Variants in SLC26A8 observed in about 807,000 individuals in gnomAD.
The protein encoded by SLC26A8 is solute carrier family 26 member 8, also known as testis anion transporter 1.
Under a neutral mutation model 105.0 loss-of-function variants are expected in SLC26A8, and 70 were observed. The ratio of observed to expected loss-of-function variants is 0.67; its 90% CI spans 0.55 to 0.81. The LOEUF (loss-of-function observed/expected upper bound fraction) is 0.81, where lower values mean the gene tolerates loss of function less well. SLC26A8 is among the 40% of genes least tolerant of loss of function. The pLI, the probability that SLC26A8 is intolerant of heterozygous loss-of-function variation, is 0.00. For missense variants in SLC26A8, 998 were observed against 1,181.8 expected, an observed-to-expected ratio of 0.84 and a Z score of 2.28; for synonymous variants, 415 against 438.3, an observed-to-expected ratio of 0.95 and a Z score of 0.66.
chr6:35,944,991 A>G (rs2127283086), intron 19 of SLC26A8, among the ~76,000 whole-genome samples: 2 of 152,196 alleles, frequency 1.3e-5, no homozygotes, highest in Middle Eastern at 3.4e-3. Flanking sequence ...TTGGGACTAC[A>G]GATATGCACC....
Position 35,955,188 on chromosome 6 carries a change from G to T in SLC26A8, c.2196C>A (p.His732Gln), listed in dbSNP as rs1179764192. ...HTIILDFSMV[H>Q]YVDSRGLVVL... ...CGACTAACCCCCGTGAATCCACGTA[G>T]TGTACCATGGAGAAATCCAGGATGA... The change falls in exon 17 of 20, where the codon CAC (histidine) becomes CAA (glutamine). Residue 732 changes from histidine to glutamine, a missense_variant. Coordinates refer to ENST00000490799, the MANE Select transcript of SLC26A8 (RefSeq NM_052961.4). 3.7e-6 allele frequency: 6 copies of T among 1,614,046 alleles called. No homozygotes were observed. The African/African-American group carries it at 5.3e-5, about 14-fold the overall frequency.
At chr6:36,001,548 A>G (rs984234036) in intron 3 of SLC26A8, among the ~76,000 whole-genome samples, 7 of 152,218 alleles carry the variant, frequency 4.6e-5, no homozygotes, top group African/African-American at 1.7e-4. Flanking sequence ...TTCTGAGATT[A>G]GGTTGCAAAA....
intron 4 of SLC26A8, 91 bp from the exon 5 acceptor site, chr6:35,998,010 T>C (rs1467197880): frequency 2.2e-5 from 26 of 1,200,362 alleles, no homozygotes; most frequent in Non-Finnish European, 2.8e-5. Flanking sequence ...TTCTGGATTG[T>C]CCTTCAACTG....
rs146916283 is a variant in SLC26A8, at chr6:35,959,316, C to A, written c.1863+144G>T. 6.9e-4 allele frequency: 618 copies of A among 895,764 alleles called. 2 individuals are homozygous for A. The African/African-American group carries it at 8.5e-3, about 12-fold the overall frequency. 55.5% of individuals were successfully genotyped at this position (895,764 alleles called of 1,614,324 possible). ...AGTCAAGCCTCCAAGGTGAGAGGAA[C>A]CTTGTATCTTAATTTCTGAATTCTT... On this transcript the variant is annotated intron_variant, in intron 16 of 19. Transcript: ENST00000490799.
intron 11 of SLC26A8, among the ~76,000 whole-genome samples, chr6:35,967,594 A>G (rs1266936554): frequency 6.6e-6 from 1 of 152,170 alleles, no homozygotes; most frequent in Non-Finnish European, 1.5e-5. Context: ...CAACTTTCAG[A>G]CCTGCCTTCT....
intron 3 of SLC26A8, among the ~76,000 whole-genome samples, chr6:36,009,808 C>T (rs1320288115): frequency 6.6e-6 from 1 of 152,166 alleles, no homozygotes; most frequent in Non-Finnish European, 1.5e-5. Flanking sequence ...GGTTGTGAGA[C>T]TGAACCATAG....
In SLC26A8 at chr6:35,991,804, A is replaced by G. The variant is rs570860784; in HGVS notation, c.797T>C (p.Ile266Thr). Residue 266 changes from isoleucine to threonine, a missense_variant, in exon 7 of 20, where the codon ATA (isoleucine) becomes ACA (threonine). Transcript: ENST00000490799. ...TGGGAGAGCTACACAGTAATTAATT[A>G]TGTCCTGAAAGAAAATAAAATTACG... ...HAGPISFFYD[I>T]INYCVALPKA... The G allele has an allele frequency of 4.4e-6, 7 of 1,584,534 alleles. No homozygotes were observed. The East Asian group carries it at 1.1e-4, about 26-fold the overall frequency.
chr6:36,006,098 G>A lies in SLC26A8; in HGVS notation c.329-5990C>T, dbSNP rs1423237916. ...CTTAATCAAGTATTAAGAGCTGGTT[G>A]GATTCATTCATTCATATAGCTATGA... On this transcript the variant is annotated intron_variant, in intron 3 of 19. Coordinates refer to ENST00000490799, the MANE Select transcript of SLC26A8 (RefSeq NM_052961.4). Among the ~76,000 whole-genome samples the A allele has an allele frequency of 2.0e-5, 3 of 152,092 alleles. No individual in the cohort carries two copies. The East Asian group carries it at 5.8e-4, about 29-fold the overall frequency.
intron 16 of SLC26A8, among the ~76,000 whole-genome samples, chr6:35,957,732 G>T (rs558043858): frequency 6.6e-6 from 1 of 151,428 alleles, no homozygotes; most frequent in African/African-American, 2.4e-5. Context: ...TCAGCCTCCC[G>T]AGTAGCTGGG....
At chr6:35,978,846 T>TC (rs1168223914) in intron 8 of SLC26A8, among the ~76,000 whole-genome samples, 2 of 145,310 alleles carry the variant, frequency 1.4e-5, no homozygotes, top group East Asian at 2.0e-4. Context: ...TTCTTCTTCT[T>TC]TTTTTTTTTT....
At chr6:35,976,947 C>T (rs1246280239) in intron 9 of SLC26A8, among the ~76,000 whole-genome samples, 1 of 152,114 alleles carries the variant, frequency 6.6e-6, no homozygotes, top group Non-Finnish European at 1.5e-5. Context: ...AAAAGTGAAA[C>T]TCTCCTAGCT....
chr6:35,961,712 C>G (rs917071756), intron 12 of SLC26A8, among the ~76,000 whole-genome samples: 1 of 152,156 alleles, frequency 6.6e-6, no homozygotes, highest in Non-Finnish European at 1.5e-5. Flanking sequence ...GGATCTGGCT[C>G]CAAAAGTTAT....
intron 1 of SLC26A8, 186 bp downstream of exon 1, chr6:36,024,318 T>G (rs944020930): frequency 5.3e-6 from 2 of 380,688 alleles, no homozygotes; most frequent in African/African-American, 4.4e-5. Context: ...CCTTTGAAAG[T>G]AGAGACAATA....
intron 1 of SLC26A8, 199 bp downstream of exon 1, chr6:36,024,305 C>G (rs1455244395): frequency 2.8e-6 from 1 of 360,740 alleles, no homozygotes; most frequent in African/African-American, 2.3e-5. Context: ...GCCATCCACA[C>G]GGCCTTTGAA....
intron 11 of SLC26A8, among the ~76,000 whole-genome samples, chr6:35,967,156 C>T (rs567823383): frequency 5.9e-5 from 9 of 152,276 alleles, no homozygotes; most frequent in African/African-American, 2.2e-4. Flanking sequence ...TGCATAGATT[C>T]CATGCCTTGG....
rs116255677 is a variant in SLC26A8 at position 35,955,191 on chromosome 6, T to C, written c.2193A>G (p.Val731=). The C allele has an allele frequency of 6.0e-5, 97 of 1,614,122 alleles. No homozygotes were observed. In the African/African-American group the frequency reaches 1.2e-3, roughly 19 times the overall value. The change falls in exon 17 of 20, where the codon GTA becomes GTG. Residue 731 remains valine (V), a synonymous_variant. Coordinates refer to ENST00000490799, the MANE Select transcript of SLC26A8 (RefSeq NM_052961.4). The stretch of plus-strand genomic sequence containing the variant: ...CTAACCCCCGTGAATCCACGTAGTG[T>C]ACCATGGAGAAATCCAGGATGATGG... The part of the protein sequence containing the change: ...VHTIILDFSM[V]HYVDSRGLVV...
At chr6:35,988,029 G>A (rs1171512965) in intron 7 of SLC26A8, among the ~76,000 whole-genome samples, 3 of 151,084 alleles carry the variant, frequency 2.0e-5, no homozygotes, top group Non-Finnish European at 2.9e-5. Context: ...TCCTGCCTTA[G>A]CCTCTGGAGT....
rs761790221 is a variant in SLC26A8 at position 36,012,374 on chromosome 6, T to C, written c.189-2A>G. 1 of 1,569,462 alleles carries C rather than the reference T, an allele frequency of 6.4e-7. No homozygotes were observed. Among genetic ancestry groups the C allele is most frequent in the South Asian group, 1.2e-5 (1 of 83,292 alleles). ...CGTAGGAACCTGTGCCATGAGCAGCTGTGAGAGAGAGGAGCAGAGACTTGG... is the reference window on the plus strand; with the variant it reads ...CGTAGGAACCTGTGCCATGAGCAGCCGTGAGAGAGAGGAGCAGAGACTTGG... On this transcript the variant is annotated splice_acceptor_variant, in intron 2 of 19. Coordinates refer to ENST00000490799, the MANE Select transcript of SLC26A8 (RefSeq NM_052961.4). LOFTEE classifies it high-confidence loss of function.
chr6:35,988,997 C>T (rs1366189663), intron 7 of SLC26A8, among the ~76,000 whole-genome samples: 1 of 151,864 alleles, frequency 6.6e-6, no homozygotes, highest in South Asian at 2.1e-4. Context: ...CCTGCCACCT[C>T]GCCCGGCTAA....
Sources: gnomAD v4.1 joint callset for allele counts (sites outside exome capture counted in the v4.1 genomes callset) on GRCh38, gnomAD v4.1.1 for gene constraint, MANE v1.5 for transcripts, NCBI Gene and HGNC (gene_info 2026-07-23, HGNC 2026-07-21) for gene names.